RIMS1: variants seen among roughly 807,000 people sequenced by gnomAD.
RIMS1 encodes regulating synaptic membrane exocytosis protein 1.
A neutral mutation model predicts 214.1 loss-of-function variants in RIMS1; 83 were observed. The ratio of observed to expected loss-of-function variants is 0.39; its 90% CI spans 0.32 to 0.47. The LOEUF (loss-of-function observed/expected upper bound fraction) is 0.47, where lower values mean the gene tolerates loss of function less well. RIMS1 is among the 20% of genes least tolerant of loss of function. The pLI, the probability that RIMS1 is intolerant of heterozygous loss-of-function variation, is 0.99. For missense variants in RIMS1, 2,050 were observed against 2,161.8 expected (o/e 0.95, Z 1.03); for synonymous variants, 793 against 786.8 (o/e 1.01, Z -0.13).
intron 4 of RIMS1, among the ~76,000 whole-genome samples, chr6:72,139,121 T>C (rs2041768725): frequency 6.6e-6 from 1 of 152,166 alleles, no homozygotes; most frequent in South Asian, 2.1e-4. Context: ...TGTCTGTGTG[T>C]GTGTGTATGT....
intron 28 of RIMS1, among the ~76,000 whole-genome samples, chr6:72,319,290 A>G (rs1304484259): frequency 6.6e-6 from 1 of 152,084 alleles, no homozygotes; most frequent in Non-Finnish European, 1.5e-5. Flanking sequence ...AGGAAAGAAG[A>G]GAGTGCCAGC....
intron 29 of RIMS1, among the ~76,000 whole-genome samples, chr6:72,370,182 G>T (rs924353182): frequency 6.6e-6 from 1 of 152,134 alleles, no homozygotes; most frequent in East Asian, 1.9e-4. Flanking sequence ...ACCTGTATTT[G>T]GGGTCCTTGC....
intron 4 of RIMS1, among the ~76,000 whole-genome samples, chr6:72,130,877 A>G (rs1467095588): frequency 1.3e-5 from 2 of 152,178 alleles, no homozygotes; most frequent in Non-Finnish European, 2.9e-5. Context: ...GCAAAAATAA[A>G]GAAATTGGCA....
At chr6:72,004,552 GAT>G (rs1370816512) in intron 2 of RIMS1, among the ~76,000 whole-genome samples, 1 of 151,118 alleles carries the variant, frequency 6.6e-6, no homozygotes, top group African/African-American at 2.4e-5. Context: ...ACTTTTTAAT[GAT>G]TGCCATTCTA....
intron 1 of RIMS1, among the ~76,000 whole-genome samples, chr6:71,888,878 G>T (rs1322093754): frequency 6.6e-6 from 1 of 152,206 alleles, no homozygotes; most frequent in Non-Finnish European, 1.5e-5. Context: ...TTAATCTGCT[G>T]CCTGTCCCTA....
At chr6:72,252,681 T>C in intron 15 of RIMS1, 80 bp from the exon 16 acceptor site, 1 of 1,163,108 alleles carries the variant, frequency 8.6e-7, no homozygotes, top group Non-Finnish European at 1.3e-6. Flanking sequence ...ATTCACTTTT[T>C]AAAAAAAGTT....
chr6:72,040,881 T>A (rs1325198249), intron 2 of RIMS1, among the ~76,000 whole-genome samples: 1 of 151,974 alleles, frequency 6.6e-6, no homozygotes, highest in Admixed American at 6.6e-5. Flanking sequence ...ATTTTATTAA[T>A]AATAATATGG....
intron 29 of RIMS1, chr6:72,366,754 A>G: frequency 2.1e-5 from 21 of 985,874 alleles, no homozygotes; most frequent in Non-Finnish European, 2.5e-5. Flanking sequence ...TCAGACAGAT[A>G]TTCCAGCCAG....
intron 4 of RIMS1, among the ~76,000 whole-genome samples, chr6:72,107,680 T>A (rs76810301): frequency 0.081 from 12,384 of 152,224 alleles, 576 homozygotes; most frequent in Non-Finnish European, 0.11. Flanking sequence ...ACAATGGAAC[T>A]GGGTAGGGGC....
chr6:72,081,605 G>T (rs550871098), intron 2 of RIMS1, among the ~76,000 whole-genome samples: 1 of 151,948 alleles, frequency 6.6e-6, no homozygotes, highest in South Asian at 2.1e-4. Flanking sequence ...AAATAGACTT[G>T]ATTATTACCA....
intron 23 of RIMS1, among the ~76,000 whole-genome samples, chr6:72,280,678 G>T (rs1034352995): frequency 1.3e-5 from 2 of 151,976 alleles, no homozygotes; most frequent in African/African-American, 4.8e-5. Context: ...CAATAAGAGG[G>T]TTAAAAATGA....
At chr6:72,091,439 G>C (rs1264025240) in intron 2 of RIMS1, among the ~76,000 whole-genome samples, 1 of 152,080 alleles carries the variant, frequency 6.6e-6, no homozygotes, top group Non-Finnish European at 1.5e-5. Context: ...TGATTTACTT[G>C]TTCAACAAAT....
At chr6:72,029,295 T>C (rs1817415717) in intron 2 of RIMS1, among the ~76,000 whole-genome samples, 1 of 152,210 alleles carries the variant, frequency 6.6e-6, no homozygotes, top group African/African-American at 2.4e-5. Context: ...GCTCTCCATA[T>C]AATTTTCATG....
At chr6:72,212,958 T>C (rs2054090585) in intron 6 of RIMS1, 1 of 1,408,506 alleles carries the variant, frequency 7.1e-7, no homozygotes, top group East Asian at 2.6e-5. Flanking sequence ...CACCAATGTT[T>C]TATTTCAGTT....
intron 1 of RIMS1, among the ~76,000 whole-genome samples, chr6:71,913,540 C>A (rs1777515385): frequency 6.6e-6 from 1 of 152,056 alleles, no homozygotes; most frequent in African/African-American, 2.4e-5. Context: ...AATGTAACAC[C>A]CTTAAATAGA....
chr6:72,146,217 T>C (rs62408081), intron 4 of RIMS1, among the ~76,000 whole-genome samples: 32,467 of 152,144 alleles, frequency 0.21, 4,112 homozygotes, highest in Non-Finnish European at 0.27. Flanking sequence ...GTCTCAAATA[T>C]TTTTAAAAAG....
chr6:72,379,163 C>T lies in RIMS1; in HGVS notation c.4367-11435C>T, dbSNP rs752834135. Among the ~76,000 whole-genome samples the T allele has an allele frequency of 8.5e-5, 13 of 152,326 alleles. No homozygotes were observed. The East Asian group carries it at 1.5e-3, about 18-fold the overall frequency. On this transcript the variant is annotated intron_variant, in intron 29 of 33. Coordinates refer to ENST00000521978, the MANE Select transcript of RIMS1 (RefSeq NM_014989.7). ...TTAGAATATTATCTTCTGTGGTACA[C>T]GATAGGGTGCTGTAACAAGGCACAC...
At chr6:72,294,129 TCTGCC>T in intron 26 of RIMS1, among the ~76,000 whole-genome samples, 1 of 151,746 alleles carries the variant, frequency 6.6e-6, no homozygotes, top group Non-Finnish European at 1.5e-5. Flanking sequence ...GATTATACCG[TCTGCC>T]ATCATCTTTT....
At chr6:72,291,841 G>C (rs1016003651) in intron 25 of RIMS1, 93 bp from the exon 26 acceptor site, 10 of 900,070 alleles carry the variant, frequency 1.1e-5, no homozygotes, top group Non-Finnish European at 1.8e-5. Flanking sequence ...GGGGGTTTAT[G>C]TCTATTTTAA....
Sources: allele counts gnomAD v4.1 joint callset (sites outside exome capture counted in the v4.1 genomes callset), GRCh38; gene constraint gnomAD v4.1.1; transcripts MANE v1.5; gene names NCBI Gene and HGNC (gene_info 2026-07-23, HGNC 2026-07-21).